The following KLHDC10 variants were observed in gnomAD, a reference collection of about 807,000 sequenced individuals.
The protein encoded by KLHDC10 is kelch domain-containing protein 10.
In KLHDC10, 24 loss-of-function variants were observed where a neutral mutation model predicts 56.1. The observed-to-expected ratio is 0.43, with a 90% CI of 0.31 to 0.60. The LOEUF (loss-of-function observed/expected upper bound fraction) is 0.60. Ranked by LOEUF, KLHDC10 falls within the 20% of genes least tolerant of loss-of-function variation. The probability of loss-of-function intolerance (pLI) is 0.11; values close to 1 mark genes in which losing one functional copy is unlikely to be tolerated. For missense variants in KLHDC10, 349 were observed against 567.0 expected (o/e 0.62, Z 3.91); for synonymous variants, 188 against 207.1 (o/e 0.91, Z 0.79).
intron 1 of KLHDC10, among the ~76,000 whole-genome samples, chr7:130,074,836 C>A (rs957458365): frequency 3.9e-5 from 6 of 152,090 alleles, no homozygotes; most frequent in Non-Finnish European, 8.8e-5. Context: ...GTCTCGAACT[C>A]CTGATCTTGT....
At chr7:130,087,681 C>T (rs541561928) in intron 1 of KLHDC10, among the ~76,000 whole-genome samples, 1 of 152,182 alleles carries the variant, frequency 6.6e-6, no homozygotes, top group East Asian at 1.9e-4. Context: ...AAATGCTAAC[C>T]ACAAATATTT....
At chr7:130,129,395 T>C in intron 8 of KLHDC10, 42 bp from the exon 9 acceptor site, 2 of 1,610,118 alleles carry the variant, frequency 1.2e-6, no homozygotes, top group Non-Finnish European at 1.7e-6. Context: ...TAGCTTTGGC[T>C]CTTTTCCTTT....
At chr7:130,098,956 C>A (rs1563100606) in intron 2 of KLHDC10, among the ~76,000 whole-genome samples, 2 of 152,064 alleles carry the variant, frequency 1.3e-5, no homozygotes, top group African/African-American at 4.8e-5. Flanking sequence ...GAAAGGTGGC[C>A]CCTGGCAGTG....
At chr7:130,090,022 C>G (rs1795749407) in intron 1 of KLHDC10, among the ~76,000 whole-genome samples, 1 of 152,034 alleles carries the variant, frequency 6.6e-6, no homozygotes, top group Admixed American at 6.6e-5. Flanking sequence ...GCTGGGATTA[C>G]AGGCATGCAC....
At chr7:130,128,889 A>AAATATATATATATATAT in intron 8 of KLHDC10, among the ~76,000 whole-genome samples, 3 of 66,950 alleles carry the variant, frequency 4.5e-5, no homozygotes, top group African/African-American at 7.3e-5. Context: ...AAAAAAAAAA[A>AAATATATATATATATAT]ATATATATAT....
intron 5 of KLHDC10, among the ~76,000 whole-genome samples, chr7:130,123,028 G>GATGT (rs1292661588): frequency 5.3e-5 from 8 of 151,764 alleles, no homozygotes; most frequent in African/African-American, 1.5e-4. Flanking sequence ...TGGATGGATG[G>GATGT]ATGGATGGAT....
chr7:130,123,044 G>GATGT (rs1489498948), intron 5 of KLHDC10, among the ~76,000 whole-genome samples: 1 of 152,116 alleles, frequency 6.6e-6, no homozygotes, highest in African/African-American at 2.4e-5. Flanking sequence ...TGGATGGATG[G>GATGT]ATGGATGGAT....
intron 7 of KLHDC10, among the ~76,000 whole-genome samples, chr7:130,126,777 C>A (rs936922968): frequency 6.6e-6 from 1 of 152,088 alleles, no homozygotes; most frequent in Non-Finnish European, 1.5e-5. Context: ...TTGTTGAATT[C>A]TTTGGCAGAA....
intron 1 of KLHDC10, among the ~76,000 whole-genome samples, chr7:130,073,548 A>G (rs1426157248): frequency 1.3e-5 from 2 of 152,042 alleles, no homozygotes; most frequent in Non-Finnish European, 2.9e-5. Flanking sequence ...CTTCCGCCTC[A>G]GCCTCCCGAA....
intron 1 of KLHDC10, among the ~76,000 whole-genome samples, chr7:130,091,924 T>G (rs891581686): frequency 4.0e-4 from 61 of 152,352 alleles, no homozygotes; most frequent in African/African-American, 1.4e-3. Context: ...TAAAAAAATT[T>G]CTTTATTTCA....
At position 130,070,610 on chromosome 7, in the gene KLHDC10, G is replaced by T; in HGVS notation, c.-34G>T. The T allele has an allele frequency of 7.7e-7, 1 of 1,303,020 alleles. No individual in the cohort carries two copies. 80.7% of individuals were successfully genotyped at this position (1,303,020 alleles called of 1,614,324 possible). A position where few individuals can be genotyped will look rare whatever the true frequency, so the allele number is the denominator to read the frequency against. On this transcript the variant is annotated 5_prime_UTR_variant, in exon 1 of 10. Transcript: ENST00000335420. ...CGCTGGTTCCGCTGGGTCAGGCGCT[G>T]ACGGGACCGGGCTGCGGCAATCGTT... is the stretch of plus-strand genomic sequence containing the variant.
At chr7:130,110,856 A>C (rs1217418347) in intron 2 of KLHDC10, among the ~76,000 whole-genome samples, 2 of 152,206 alleles carry the variant, frequency 1.3e-5, no homozygotes, top group Admixed American at 1.3e-4. Flanking sequence ...TCTTGTAAGT[A>C]ATAGACTTAC....
rs140299996 is a variant in KLHDC10, at chr7:130,124,526, C to T, written c.855C>T (p.Ser285=). ...LGGGTSWTAY[S]LNKIHAYNLE... ...GTGGTACTTCCTGGACAGCATATTC[C>T]TTAAACAAGGTATATTTTTTTAAAA... The change falls in exon 6 of 10, where the codon TCC becomes TCT. Residue 285 remains serine (S), a synonymous_variant. Transcript: ENST00000335420. 1.3e-6 allele frequency: 2 copies of T among 1,556,404 alleles called. No individual in the cohort carries two copies. Among genetic ancestry groups the T allele is most frequent in the Non-Finnish European group, 8.9e-7 (1 of 1,129,694 alleles).
chr7:130,073,499 T>C (rs1795452916), intron 1 of KLHDC10, among the ~76,000 whole-genome samples: 4 of 152,094 alleles, frequency 2.6e-5, no homozygotes, highest in Admixed American at 2.6e-4. Context: ...TTTTGCCATG[T>C]TGGCCAGGCT....
At chr7:130,093,253 G>A (rs1246753734) in intron 1 of KLHDC10, among the ~76,000 whole-genome samples, 4 of 152,096 alleles carry the variant, frequency 2.6e-5, no homozygotes, top group African/African-American at 9.7e-5. Context: ...CGCCCAGGCT[G>A]GAGTGCAGTG....
intron 1 of KLHDC10, among the ~76,000 whole-genome samples, chr7:130,096,367 C>A (rs1400184397): frequency 6.6e-6 from 1 of 152,096 alleles, no homozygotes; most frequent in African/African-American, 2.4e-5. Flanking sequence ...TCCCTCCCTT[C>A]CCCCATGGAA....
chr7:130,100,121 AGT>A (rs1033155249), intron 2 of KLHDC10, among the ~76,000 whole-genome samples: 4 of 151,774 alleles, frequency 2.6e-5, no homozygotes, highest in Admixed American at 6.6e-5. Context: ...AAAAAAAAAA[AGT>A]AGAGAATTGA....
intron 1 of KLHDC10, among the ~76,000 whole-genome samples, chr7:130,089,590 A>G (rs62491315): frequency 0.046 from 7,078 of 152,334 alleles, 228 homozygotes; most frequent in South Asian, 0.13. Context: ...TGTTAGCTCA[A>G]TGTATGCCAT....
At chr7:130,070,841 C>G in intron 1 of KLHDC10, 32 bp downstream of exon 1, 2 of 1,293,178 alleles carry the variant, frequency 1.5e-6, no homozygotes, top group Non-Finnish European at 2.0e-6. Context: ...TGACCGCTTG[C>G]GGGCGGGAAG....
Sources: gnomAD v4.1 joint callset for allele counts (sites outside exome capture counted in the v4.1 genomes callset) on GRCh38, gnomAD v4.1.1 for gene constraint, MANE v1.5 for transcripts, NCBI Gene and HGNC (gene_info 2026-07-23, HGNC 2026-07-21) for gene names.